The following CFAP90 variants were observed in gnomAD, a reference collection of about 807,000 sequenced individuals.
CFAP90 encodes the protein cilia and flagella associated protein 90.
At chr5:7,832,234 C>T in the CFAP90 span, among the ~76,000 whole-genome samples, 2 of 152,138 alleles carry the variant, frequency 1.3e-5, no homozygotes, top group African/African-American at 4.8e-5. Flanking sequence ...AGAAGGCTGG[C>T]TGGTGTATTC....
the CFAP90 span, among the ~76,000 whole-genome samples, chr5:7,845,285 G>A: frequency 1.3e-5 from 2 of 152,182 alleles, no homozygotes; most frequent in African/African-American, 4.8e-5. Context: ...TTTGGGTGGG[G>A]ACTTATTGCT....
At chr5:7,839,570 G>T in the CFAP90 span, among the ~76,000 whole-genome samples, 1 of 152,204 alleles carries the variant, frequency 6.6e-6, no homozygotes, top group Non-Finnish European at 1.5e-5. Context: ...TATTGAAGAA[G>T]CCCAGTGTAA....
At chr5:7,838,253 G>A in the CFAP90 span, among the ~76,000 whole-genome samples, 2 of 151,992 alleles carry the variant, frequency 1.3e-5, no homozygotes, top group Non-Finnish European at 2.9e-5. Context: ...GAAAACAATA[G>A]GAAAAATGTC....
chr5:7,838,701 T>C, the CFAP90 span, among the ~76,000 whole-genome samples: 2 of 152,196 alleles, frequency 1.3e-5, no homozygotes, highest in South Asian at 4.1e-4. Flanking sequence ...GCCTTTGGAA[T>C]CCCTCCTGAC....
the CFAP90 span, among the ~76,000 whole-genome samples, chr5:7,839,838 T>C: frequency 1.3e-5 from 2 of 152,160 alleles, no homozygotes; most frequent in South Asian, 4.1e-4. Flanking sequence ...TTTTCTATCA[T>C]TGAAAAATAA....
At chr5:7,850,962 C>T in the CFAP90 span, 1 of 1,327,776 alleles carries the variant, frequency 7.5e-7, no homozygotes, top group Non-Finnish European at 9.6e-7. Flanking sequence ...CCGAGACGGG[C>T]GGCGGCCTGG....
At chr5:7,836,168 G>A in the CFAP90 span, among the ~76,000 whole-genome samples, 1 of 152,204 alleles carries the variant, frequency 6.6e-6, no homozygotes, top group Admixed American at 6.5e-5. Context: ...TTCAACGTAC[G>A]AATTTGGGGA....
the CFAP90 span, among the ~76,000 whole-genome samples, chr5:7,849,650 C>T: frequency 6.6e-6 from 1 of 152,214 alleles, no homozygotes; most frequent in Non-Finnish European, 1.5e-5. Flanking sequence ...CTGCCTTTGG[C>T]CGCTGGTGGG....
chr5:7,846,674 A>G, the CFAP90 span, among the ~76,000 whole-genome samples: 1 of 152,188 alleles, frequency 6.6e-6, no homozygotes, highest in Non-Finnish European at 1.5e-5. Flanking sequence ...AGACCATAGC[A>G]TTGGCTTAAG....
the CFAP90 span, among the ~76,000 whole-genome samples, chr5:7,837,748 A>C: frequency 0.23 from 35,188 of 152,204 alleles, 4,259 homozygotes; most frequent in Middle Eastern, 0.3. Flanking sequence ...CTAGTAAGGA[A>C]ACAACATGGT....
At chr5:7,832,008 C>T in the CFAP90 span, 5 of 1,611,404 alleles carry the variant, frequency 3.1e-6, no homozygotes, top group South Asian at 1.1e-5. Flanking sequence ...GACGTCAGCA[C>T]TCCAACCGGC....
At chr5:7,842,716 A>G in the CFAP90 span, among the ~76,000 whole-genome samples, 1 of 152,198 alleles carries the variant, frequency 6.6e-6, no homozygotes, top group Non-Finnish European at 1.5e-5. Context: ...TGAGAAAAAA[A>G]TAAGCCTCTA....
the CFAP90 span, chr5:7,835,629 G>A: frequency 9.7e-5 from 58 of 594,938 alleles, no homozygotes; most frequent in African/African-American, 9.7e-4. Context: ...TGGTAGGAAA[G>A]TTCACCTCAC....
the CFAP90 span, among the ~76,000 whole-genome samples, chr5:7,844,591 T>C: frequency 1.3e-5 from 2 of 152,142 alleles, no homozygotes; most frequent in African/African-American, 4.8e-5. Context: ...TAGATACTAA[T>C]AGGCAAAAGG....
At chr5:7,842,640 G>A in the CFAP90 span, among the ~76,000 whole-genome samples, 2 of 152,184 alleles carry the variant, frequency 1.3e-5, no homozygotes, top group South Asian at 4.1e-4. Flanking sequence ...GAAAAAGAAG[G>A]CACTTGGATT....
the CFAP90 span, chr5:7,831,170 C>T: frequency 6.6e-6 from 1 of 152,226 alleles, no homozygotes; most frequent in Non-Finnish European, 1.5e-5. Context: ...GAAATCTAGC[C>T]TCTTCCCATG....
chr5:7,838,180 G>A, the CFAP90 span, among the ~76,000 whole-genome samples: 2 of 152,168 alleles, frequency 1.3e-5, no homozygotes, highest in Non-Finnish European at 1.5e-5. Context: ...ATAGCCAAAA[G>A]TAAATTCTGG....
At chr5:7,841,536 C>T in the CFAP90 span, among the ~76,000 whole-genome samples, 7,152 of 152,106 alleles carry the variant, frequency 0.047, 558 homozygotes, top group African/African-American at 0.16. Flanking sequence ...GTATGTTCAA[C>T]GTAGTACTAC....
the CFAP90 span, among the ~76,000 whole-genome samples, chr5:7,833,539 A>G: frequency 1.3e-5 from 2 of 152,156 alleles, no homozygotes; most frequent in South Asian, 4.1e-4. Context: ...ACACATATAT[A>G]CACACAGGTA....
Sources: allele counts gnomAD v4.1 joint callset (sites outside exome capture counted in the v4.1 genomes callset), GRCh38; gene constraint gnomAD v4.1.1; transcripts MANE v1.5; gene names NCBI Gene and HGNC (gene_info 2026-07-23, HGNC 2026-07-21).